XKR6: variants seen among roughly 807,000 people sequenced by gnomAD.
XKR6 encodes XK related 6, also known as XK-related protein 6.
A neutral mutation model predicts 56.7 loss-of-function variants in XKR6; 22 were observed. That is an observed-to-expected ratio of 0.39 (90% confidence interval 0.28 to 0.55). XKR6 has a LOEUF of 0.55. XKR6 is among the 20% of genes least tolerant of loss of function. XKR6 has a pLI of 0.66. For missense variants in XKR6, 852 were observed against 889.0 expected, an observed-to-expected ratio of 0.96 and a Z score of 0.53; for synonymous variants, 524 against 387.8, an observed-to-expected ratio of 1.35 and a Z score of -4.13.
At chr8:11,060,931 C>T (rs188522215) in intron 1 of XKR6, among the ~76,000 whole-genome samples, 3 of 152,292 alleles carry the variant, frequency 2.0e-5, no homozygotes, top group South Asian at 2.1e-4. Flanking sequence ...ATCCCCTATC[C>T]CCATTTTACA....
At chr8:11,038,997 C>G (rs1170545964) in intron 1 of XKR6, among the ~76,000 whole-genome samples, 1 of 152,204 alleles carries the variant, frequency 6.6e-6, no homozygotes, top group Non-Finnish European at 1.5e-5. Flanking sequence ...CCACCCCCAG[C>G]TGCAGGGCGG....
intron 1 of XKR6, among the ~76,000 whole-genome samples, chr8:11,021,091 G>A (rs1329218437): frequency 6.6e-6 from 1 of 152,098 alleles, no homozygotes; most frequent in East Asian, 1.9e-4. Context: ...TCAAGCCTTA[G>A]TCTCCTCAGA....
At chr8:11,166,059 A>G (rs1802055098) in intron 1 of XKR6, among the ~76,000 whole-genome samples, 2 of 151,374 alleles carry the variant, frequency 1.3e-5, no homozygotes, top group African/African-American at 4.9e-5. Context: ...GGATTCAAGC[A>G]AATCTCCTGC....
At chr8:10,941,623 A>T (rs746205021) in intron 1 of XKR6, among the ~76,000 whole-genome samples, 1 of 152,202 alleles carries the variant, frequency 6.6e-6, no homozygotes, top group African/African-American at 2.4e-5. Context: ...CCCACAGGGC[A>T]TGTGCTGAGG....
At position 10,978,640 on chromosome 8, in the gene XKR6, T is replaced by G. The variant is rs6996418; in HGVS notation, c.765-53810A>C. On this transcript the variant is annotated intron_variant, in intron 1 of 2. Transcript: ENST00000416569. ...TGCAGATCATTCTCTGCCCTTAACA[T>G]AGATGGAAATGAGCTTCCTCCAGCT... Among the ~76,000 whole-genome samples the G allele has an allele frequency of 1.8e-3, 273 of 152,300 alleles. 2 individuals carry two copies. Among genetic ancestry groups the G allele is most frequent in the African/African-American group, 6.3e-3 (263 of 41,532 alleles).
chr8:11,059,393 G>A (rs954295484), intron 1 of XKR6, among the ~76,000 whole-genome samples: 2 of 152,228 alleles, frequency 1.3e-5, no homozygotes, highest in African/African-American at 2.4e-5. Flanking sequence ...AACTGGAGCC[G>A]GGCTGGCGCC....
chr8:11,107,897 A>G (rs1348542831), intron 1 of XKR6: 1 of 228,842 alleles, frequency 4.4e-6, no homozygotes, highest in Non-Finnish European at 8.6e-6. Flanking sequence ...TGTCTCATGT[A>G]CAAAGAGCAA....
intron 1 of XKR6, among the ~76,000 whole-genome samples, chr8:10,999,129 C>T (rs1004582403): frequency 6.6e-6 from 1 of 152,224 alleles, no homozygotes; most frequent in Non-Finnish European, 1.5e-5. Context: ...TCAAATCCAT[C>T]AAGCATGCAT....
intron 1 of XKR6, among the ~76,000 whole-genome samples, chr8:10,997,612 G>T (rs746326006): frequency 2.0e-5 from 3 of 152,212 alleles, no homozygotes; most frequent in Admixed American, 1.3e-4. Context: ...ATGTGCCAGG[G>T]CACAGCCTAG....
chr8:11,086,635 G>A lies in XKR6; in HGVS notation c.764+113941C>T, dbSNP rs184237036. On this transcript the variant is annotated intron_variant, in intron 1 of 2. Coordinates refer to ENST00000416569, the MANE Select transcript of XKR6 (RefSeq NM_173683.4). The stretch of plus-strand genomic sequence containing the variant: ...CAAGTTGCACACACTAGAAAGATGC[G>A]GTGAGGTTAAGTGACTTACCTCAGC... Among the ~76,000 whole-genome samples, 688 of 152,244 alleles carry A rather than the reference G, an allele frequency of 4.5e-3. 16 individuals carry two copies. Among genetic ancestry groups the A allele is most frequent in the Non-Finnish European group, 6.8e-4 (46 of 68,020 alleles).
intron 1 of XKR6, among the ~76,000 whole-genome samples, chr8:11,024,939 G>A (rs1009653914): frequency 6.6e-6 from 1 of 152,214 alleles, no homozygotes; most frequent in Admixed American, 6.5e-5. Flanking sequence ...TCACCATTAG[G>A]TGGTCAAGAC....
intron 1 of XKR6, among the ~76,000 whole-genome samples, chr8:10,966,073 G>C (rs758363097): frequency 6.6e-6 from 1 of 152,204 alleles, no homozygotes; most frequent in Non-Finnish European, 1.5e-5. Flanking sequence ...GATAACTTGG[G>C]TGGGGAGGAG....
intron 1 of XKR6, among the ~76,000 whole-genome samples, chr8:11,071,712 C>T (rs772126689): frequency 6.6e-5 from 10 of 152,052 alleles, no homozygotes; most frequent in Non-Finnish European, 1.0e-4. Flanking sequence ...AGTCTATGAG[C>T]CCCAAGTCTA....
chr8:11,075,543 C>G (rs921582009), intron 1 of XKR6, among the ~76,000 whole-genome samples: 1 of 152,198 alleles, frequency 6.6e-6, no homozygotes, highest in African/African-American at 2.4e-5. Flanking sequence ...TCACAGCAAT[C>G]TGGCAGGTGG....
chr8:10,969,308 G>A (rs944440530), intron 1 of XKR6, among the ~76,000 whole-genome samples: 6 of 152,192 alleles, frequency 3.9e-5, no homozygotes, highest in Non-Finnish European at 7.3e-5. Flanking sequence ...TGCTTTGGAG[G>A]CTGTCCAGAC....
At chr8:10,935,705 C>T (rs1283124554) in intron 1 of XKR6, among the ~76,000 whole-genome samples, 125 of 150,218 alleles carry the variant, frequency 8.3e-4, no homozygotes, top group South Asian at 1.9e-3. Context: ...TGTAGTTGAG[C>T]GGCTTTGAGT....
At chr8:11,065,847 C>T (rs993283614) in intron 1 of XKR6, among the ~76,000 whole-genome samples, 3 of 152,200 alleles carry the variant, frequency 2.0e-5, no homozygotes, top group African/African-American at 7.2e-5. Context: ...GGCGTTTTTC[C>T]CTAGCAACTG....
chr8:11,080,428 C>T (rs76903565), intron 1 of XKR6, among the ~76,000 whole-genome samples: 3,390 of 152,224 alleles, frequency 0.022, 129 homozygotes, highest in African/African-American at 0.075. Context: ...TTCTGCAATT[C>T]CTCTGACCTG....
At chr8:11,066,431 G>A (rs1017802492) in intron 1 of XKR6, among the ~76,000 whole-genome samples, 12 of 152,260 alleles carry the variant, frequency 7.9e-5, no homozygotes, top group African/African-American at 2.9e-4. Flanking sequence ...ACTGTACAGT[G>A]ACAGAGCTGC....
Sources: gnomAD v4.1 joint callset for allele counts (sites outside exome capture counted in the v4.1 genomes callset) on GRCh38, gnomAD v4.1.1 for gene constraint, MANE v1.5 for transcripts, NCBI Gene and HGNC (gene_info 2026-07-23, HGNC 2026-07-21) for gene names.